Variants in GIGYF2 observed in about 807,000 individuals in gnomAD.
The protein encoded by GIGYF2 is GRB10-interacting GYF protein 2.
A neutral mutation model predicts 208.1 loss-of-function variants in GIGYF2; 25 were observed. The observed-to-expected ratio is 0.12, with a 90% CI of 0.09 to 0.17. GIGYF2 has a LOEUF of 0.17. Ranked by LOEUF, GIGYF2 falls within the 10% of genes least tolerant of loss-of-function variation. GIGYF2 has a pLI of 1.00. For synonymous variants in GIGYF2, 534 were observed against 543.8 expected, an observed-to-expected ratio of 0.98 and a Z score of 0.25; for missense variants, 1,302 against 1,579.4, an observed-to-expected ratio of 0.82 and a Z score of 2.98.
At chr2:232,797,747 A>G (rs1369350225) in intron 14 of GIGYF2, among the ~76,000 whole-genome samples, 1 of 152,060 alleles carries the variant, frequency 6.6e-6, no homozygotes, top group South Asian at 2.1e-4. Flanking sequence ...TTGGAAGGCC[A>G]GGGTGGGTAG....
chr2:232,714,778 T>C (rs1376373258), intron 2 of GIGYF2, among the ~76,000 whole-genome samples: 2 of 152,046 alleles, frequency 1.3e-5, no homozygotes, highest in African/African-American at 2.4e-5. Context: ...AAATCATATT[T>C]AGGTCTGGCA....
intron 2 of GIGYF2, among the ~76,000 whole-genome samples, chr2:232,724,335 G>A (rs924024983): frequency 6.6e-6 from 1 of 151,204 alleles, no homozygotes; most frequent in Admixed American, 6.6e-5. Context: ...TGGGATTGCA[G>A]GTGTGAGCAA....
At chr2:232,778,292 CTT>C (rs1699597658) in intron 8 of GIGYF2, among the ~76,000 whole-genome samples, 2 of 152,078 alleles carry the variant, frequency 1.3e-5, no homozygotes, top group Non-Finnish European at 2.9e-5. Context: ...ACTTAAAAGT[CTT>C]TTTCCATAGT....
intron 8 of GIGYF2, among the ~76,000 whole-genome samples, chr2:232,763,240 G>A (rs1046819981): frequency 6.7e-6 from 1 of 149,666 alleles, no homozygotes; most frequent in Non-Finnish European, 1.5e-5. Flanking sequence ...GCAATCAGAA[G>A]ATCATGGTTA....
At chr2:232,777,079 C>T (rs912258940) in intron 8 of GIGYF2, among the ~76,000 whole-genome samples, 1 of 151,676 alleles carries the variant, frequency 6.6e-6, no homozygotes, top group Non-Finnish European at 1.5e-5. Flanking sequence ...TAGATAATTA[C>T]GTGAAATCTT....
At chr2:232,746,824 A>G (rs1698167876) in intron 3 of GIGYF2, among the ~76,000 whole-genome samples, 1 of 152,228 alleles carries the variant, frequency 6.6e-6, no homozygotes, top group Admixed American at 6.5e-5. Flanking sequence ...AAAAATATAA[A>G]TTGTGATAAA....
chr2:232,857,095 G>T lies in GIGYF2; in HGVS notation c.*235G>T, dbSNP rs1690607981. ...TGGACCCTGTGTCTTGGGGGTGGCA[G>T]TTGGGATTACTCCCCAACAAGGCTG... On this transcript the variant is annotated 3_prime_UTR_variant, in exon 29 of 29. Coordinates refer to ENST00000373563, the MANE Select transcript of GIGYF2 (RefSeq NM_001103146.3). The T allele has an allele frequency of 3.5e-6, 2 of 576,726 alleles. No homozygotes were observed. The highest frequency in any genetic ancestry group is 4.0e-5 in the South Asian group (2 of 50,140). 35.7% of individuals were successfully genotyped at this position (576,726 alleles called of 1,614,324 possible). A position where few individuals can be genotyped will look rare whatever the true frequency, so the allele number is the denominator to read the frequency against.
At chr2:232,710,706 T>C (rs1221625355) in intron 2 of GIGYF2, among the ~76,000 whole-genome samples, 2 of 150,598 alleles carry the variant, frequency 1.3e-5, no homozygotes, top group African/African-American at 4.9e-5. Flanking sequence ...TTTTTTTTTT[T>C]TTTTTTCTGG....
chr2:232,792,046 A>G (rs1700084248), intron 12 of GIGYF2, among the ~76,000 whole-genome samples: 1 of 152,212 alleles, frequency 6.6e-6, no homozygotes. Flanking sequence ...TTCATTTACC[A>G]TAAAAATTGA....
intron 14 of GIGYF2, among the ~76,000 whole-genome samples, chr2:232,803,045 G>A (rs753677489): frequency 1.1e-4 from 17 of 152,046 alleles, no homozygotes; most frequent in African/African-American, 3.4e-4. Flanking sequence ...GATTACAGGC[G>A]TGTGCCACCA....
At chr2:232,741,554 T>G (rs1697969254) in intron 3 of GIGYF2, among the ~76,000 whole-genome samples, 1 of 152,060 alleles carries the variant, frequency 6.6e-6, no homozygotes, top group Admixed American at 6.6e-5. Flanking sequence ...GCGATTCTCC[T>G]GCTTCAGGCT....
At position 232,791,176 on chromosome 2, in the gene GIGYF2, G is replaced by A. The variant is rs762749731; in HGVS notation, c.1093+6G>A. 1 of 1,613,948 alleles carries A rather than the reference G, an allele frequency of 6.2e-7. No homozygotes were observed. Among genetic ancestry groups the A allele is most frequent in the Non-Finnish European group, 8.5e-7 (1 of 1,179,922 alleles). On this transcript the variant is annotated splice_donor_region_variant and intron_variant, in intron 11 of 28. Transcript: ENST00000373563. ...AACAGATAGAGTAGGAGTTGGTAAGGCCTCTTCTTGCCCTTTGCCTTTTTT... is the reference window on the plus strand; with the variant it reads ...AACAGATAGAGTAGGAGTTGGTAAGACCTCTTCTTGCCCTTTGCCTTTTTT...
intron 1 of GIGYF2, among the ~76,000 whole-genome samples, 157 bp downstream of exon 1, chr2:232,697,549 G>C (rs972794458): frequency 6.6e-6 from 1 of 152,278 alleles, no homozygotes; most frequent in Admixed American, 6.5e-5. Context: ...AGGCCGCTCC[G>C]GCCGGCTTGG....
At chr2:232,714,019 G>A (rs112300702) in intron 2 of GIGYF2, among the ~76,000 whole-genome samples, 3,348 of 150,316 alleles carry the variant, frequency 0.022, 131 homozygotes, top group African/African-American at 0.077. Flanking sequence ...GTGCGATCTC[G>A]GCTCACTGCA....
intron 8 of GIGYF2, chr2:232,771,357 G>A (rs1281103618): frequency 3.7e-6 from 6 of 1,606,672 alleles, no homozygotes; most frequent in Non-Finnish European, 4.3e-6. Flanking sequence ...AATTACTGCT[G>A]TCCATCTCAG....
At position 232,806,146 on chromosome 2, in the gene GIGYF2, T is replaced by C. The variant is rs1285346234; in HGVS notation, c.1640-345T>C. Among the ~76,000 whole-genome samples, 1 of 152,234 alleles carries C rather than the reference T, an allele frequency of 6.6e-6. No individual in the cohort carries two copies. The highest frequency in any genetic ancestry group is 1.5e-5 in the Non-Finnish European group (1 of 68,042). On this transcript the variant is annotated intron_variant, in intron 14 of 28. Transcript: ENST00000373563. The surrounding 1 kb of genome is among the most constrained non-coding windows in gnomAD (Gnocchi z 4.0). Reference sequence around the variant, plus strand: ...GAACGTTTTCAGCCCTGCATGTTTATATTCTTTACGCCTAAATGATACAAA... The same window carrying C: ...GAACGTTTTCAGCCCTGCATGTTTACATTCTTTACGCCTAAATGATACAAA...
In GIGYF2 at chr2:232,857,326, T is replaced by C. The variant is rs1412942425; in HGVS notation, c.*466T>C. On this transcript the variant is annotated 3_prime_UTR_variant, in exon 29 of 29. Coordinates refer to ENST00000373563, the MANE Select transcript of GIGYF2 (RefSeq NM_001103146.3). ...TTAATGGTTAACAGACATTGGCCAA[T>C]AACAAAACACCCCATGGACTGTGAC... 9.3e-6 allele frequency: 2 copies of C among 214,656 alleles called. No individual in the cohort carries two copies. Among genetic ancestry groups the C allele is most frequent in the East Asian group, 2.4e-4 (2 of 8,284 alleles). The allele number at this position is 214,656 out of a possible 1,614,324, so 13.3% of individuals were successfully genotyped here. A position where few individuals can be genotyped will look rare whatever the true frequency, so the allele number is the denominator to read the frequency against.
Position 232,855,791 on chromosome 2 carries a change from C to A in GIGYF2, c.3833-1002C>A, listed in dbSNP as rs575784386. On this transcript the variant is annotated intron_variant, in intron 28 of 28. Transcript: ENST00000373563. ...GTGTATACAACCCTCCATGGTAACC[C>A]CCCTGCCCACCCCCATCTCTTTTAA... Among the ~76,000 whole-genome samples, 25 of 152,056 alleles carry A rather than the reference C, an allele frequency of 1.6e-4. 1 individual carries two copies. The highest frequency in any genetic ancestry group is 3.2e-4 in the Non-Finnish European group (22 of 68,004).
intron 8 of GIGYF2, chr2:232,761,637 A>G (rs751550768): frequency 5.3e-5 from 23 of 437,092 alleles, no homozygotes; most frequent in Admixed American, 3.1e-4. Context: ...TCTGCAAGGC[A>G]TATATTCTTT....
Sources: gnomAD v4.1 joint callset for allele counts (sites outside exome capture counted in the v4.1 genomes callset) on GRCh38, gnomAD v4.1.1 for gene constraint, Gnocchi (gnomAD v3.1) non-coding constraint, MANE v1.5 for transcripts, NCBI Gene and HGNC (gene_info 2026-07-23, HGNC 2026-07-21) for gene names.